PIGL: variants seen among roughly 807,000 people sequenced by gnomAD.
The protein encoded by PIGL is N-acetylglucosaminyl-phosphatidylinositol de-N-acetylase.
A neutral mutation model predicts 31.1 loss-of-function variants in PIGL; 22 were observed. That is an observed-to-expected ratio of 0.71 (90% CI 0.51 to 1.01). The LOEUF is 1.01. PIGL is among the 50% of genes least tolerant of loss of function. PIGL has a pLI of 0.00. For missense variants in PIGL, 302 were observed against 315.9 expected, an observed-to-expected ratio of 0.96 and a Z score of 0.33; for synonymous variants, 131 against 117.4, an observed-to-expected ratio of 1.12 and a Z score of -0.75.
chr17:16,312,139 G>A (rs2093054201), intron 3 of PIGL, among the ~76,000 whole-genome samples: 3 of 144,720 alleles, frequency 2.1e-5, no homozygotes, highest in Non-Finnish European at 4.5e-5. Flanking sequence ...GGGGCTGCCC[G>A]CAGCCCCCCA....
At chr17:16,318,798 G>T (rs1446525999) in intron 6 of PIGL, among the ~76,000 whole-genome samples, 2 of 151,864 alleles carry the variant, frequency 1.3e-5, no homozygotes, top group East Asian at 1.9e-4. Flanking sequence ...AGGCGTGGTG[G>T]CATGCACCTG....
intron 2 of PIGL, among the ~76,000 whole-genome samples, chr17:16,298,941 C>T (rs1414480354): frequency 6.6e-6 from 1 of 151,644 alleles, no homozygotes; most frequent in Non-Finnish European, 1.5e-5. Context: ...GCAGGAGAAC[C>T]ATTCGAACCC....
Position 16,316,698 on chromosome 17 carries a change from G to A in PIGL, c.512G>A (p.Gly171Glu), listed in dbSNP as rs1298977610. ...TCCTCCAGGGCCCTGCACTCAGAAG[G>A]GAAGTTACCTAAAGGTAAGGCTTGT... ...YAAVRALHSE[G>E]KLPKGCSVLT... Residue 171 changes from glycine (G) to glutamate (E), a missense_variant, in exon 5 of 7, where the codon GGG (glycine) becomes GAG (glutamate). Coordinates refer to ENST00000225609, the MANE Select transcript of PIGL (RefSeq NM_004278.4). 6.2e-7 allele frequency: 1 copy of A among 1,607,028 alleles called. No individual in the cohort carries two copies. Among genetic ancestry groups the A allele is most frequent in the Admixed American group, 1.7e-5 (1 of 59,912 alleles).
intron 1 of PIGL, among the ~76,000 whole-genome samples, chr17:16,227,578 C>CTTTTT (rs57452229): frequency 4.4e-3 from 456 of 103,016 alleles, no homozygotes; most frequent in Middle Eastern, 7.5e-3. Context: ...ATTTTCTTTT[C>CTTTTT]TTTTTTTTTT....
chr17:16,223,203 C>T (rs2092637084), intron 1 of PIGL, among the ~76,000 whole-genome samples: 2 of 152,246 alleles, frequency 1.3e-5, no homozygotes, highest in South Asian at 4.1e-4. Flanking sequence ...AAAATACCTA[C>T]TAATAGATGC....
At chr17:16,316,974 T>C in intron 5 of PIGL, 2 of 1,269,622 alleles carry the variant, frequency 1.6e-6, no homozygotes, top group East Asian at 3.1e-5. Flanking sequence ...ACAGGGTGGA[T>C]GTTTTACACC....
intron 3 of PIGL, among the ~76,000 whole-genome samples, chr17:16,305,875 C>T (rs375960424): frequency 6.6e-6 from 1 of 152,216 alleles, no homozygotes; most frequent in African/African-American, 2.4e-5. Context: ...CATCAAACTC[C>T]TGGGCTCAAA....
In PIGL at chr17:16,316,870, G is replaced by A. The variant is rs761171493; in HGVS notation, c.526+158G>A. 1.7e-4 allele frequency: 239 copies of A among 1,418,656 alleles called. 1 individual carries two copies. The highest frequency in any genetic ancestry group is 2.5e-4 in the Middle Eastern group (1 of 3,934). 87.9% of individuals were successfully genotyped at this position (1,418,656 alleles called of 1,614,324 possible). A position where few individuals can be genotyped will look rare whatever the true frequency, so the allele number is the denominator to read the frequency against. On this transcript the variant is annotated intron_variant, in intron 5 of 6. Transcript: ENST00000225609. Reference sequence around the variant, plus strand: ...CTTCCTGACTCACCTCAAGGTACCTGGCAGGTTGTATCTACCAGCAAGTGC... The same window carrying A: ...CTTCCTGACTCACCTCAAGGTACCTAGCAGGTTGTATCTACCAGCAAGTGC...
chr17:16,309,291 C>A (rs1397810949), intron 3 of PIGL, among the ~76,000 whole-genome samples: 2 of 152,160 alleles, frequency 1.3e-5, no homozygotes, highest in East Asian at 3.8e-4. Context: ...GAACGCTTAA[C>A]CATCTCATAG....
At chr17:16,309,888 G>A (rs186343357) in intron 3 of PIGL, among the ~76,000 whole-genome samples, 1 of 152,230 alleles carries the variant, frequency 6.6e-6, no homozygotes, top group African/African-American at 2.4e-5. Context: ...GACCAGCACA[G>A]CCAACATGGT....
At chr17:16,299,806 A>G (rs143265070) in intron 2 of PIGL, 82 bp from the exon 3 acceptor site, 162 of 945,516 alleles carry the variant, frequency 1.7e-4, no homozygotes, top group Non-Finnish European at 2.6e-4. Context: ...CTATCATAAA[A>G]CTGGGCATGC....
Position 16,326,083 on chromosome 17 carries a change from A to G in PIGL, c.*185A>G. ...CTCCAGCTTCTTCCCCTGGGAAAAAACCCAAAGAACCAAAAACAAACCACC... is the reference window on the plus strand; with the variant it reads ...CTCCAGCTTCTTCCCCTGGGAAAAAGCCCAAAGAACCAAAAACAAACCACC... On this transcript the variant is annotated 3_prime_UTR_variant, in exon 7 of 7. Coordinates refer to ENST00000225609, the MANE Select transcript of PIGL (RefSeq NM_004278.4). 1 of 569,102 alleles carries G rather than the reference A, an allele frequency of 1.8e-6. No individual in the cohort carries two copies. Among genetic ancestry groups the G allele is most frequent in the Admixed American group, 3.2e-5 (1 of 31,026 alleles). 35.3% of individuals were successfully genotyped at this position (569,102 alleles called of 1,614,324 possible).
chr17:16,222,533 A>T (rs1244343851), intron 1 of PIGL, among the ~76,000 whole-genome samples: 1 of 152,144 alleles, frequency 6.6e-6, no homozygotes, highest in Non-Finnish European at 1.5e-5. Flanking sequence ...AAGTTTAAGT[A>T]ACAACTGAAG....
intron 3 of PIGL, among the ~76,000 whole-genome samples, chr17:16,306,097 C>T (rs1480934682): frequency 1.3e-5 from 2 of 152,112 alleles, no homozygotes; most frequent in Non-Finnish European, 2.9e-5. Flanking sequence ...TACAGGCACG[C>T]GCCACCATGC....
chr17:16,245,779 C>CAT (rs764855995), intron 2 of PIGL, among the ~76,000 whole-genome samples: 2,113 of 145,882 alleles, frequency 0.014, 19 homozygotes, highest in African/African-American at 0.023. Flanking sequence ...TACACACACA[C>CAT]ATATATATAT....
At chr17:16,234,728 G>T (rs897551522) in intron 2 of PIGL, among the ~76,000 whole-genome samples, 8 of 152,202 alleles carry the variant, frequency 5.3e-5, no homozygotes, top group Non-Finnish European at 1.2e-4. Context: ...TCACACCATT[G>T]CACTTCAGCC....
At chr17:16,297,751 C>A (rs918053690) in intron 2 of PIGL, among the ~76,000 whole-genome samples, 1 of 152,220 alleles carries the variant, frequency 6.6e-6, no homozygotes, top group African/African-American at 2.4e-5. Flanking sequence ...CTGCTCACTG[C>A]AGGAGCACTA....
At chr17:16,219,298 G>T (rs1286098253) in intron 1 of PIGL, among the ~76,000 whole-genome samples, 1 of 151,802 alleles carries the variant, frequency 6.6e-6, no homozygotes, top group Non-Finnish European at 1.5e-5. Context: ...CTGAACTTTT[G>T]ATCTGCCCGC....
intron 2 of PIGL, among the ~76,000 whole-genome samples, chr17:16,256,256 A>G (rs1051300139): frequency 6.6e-6 from 1 of 152,252 alleles, no homozygotes. Context: ...CTAGAACATT[A>G]AACCACAATT....
Sources: gnomAD v4.1 joint callset for allele counts (sites outside exome capture counted in the v4.1 genomes callset) on GRCh38, gnomAD v4.1.1 for gene constraint, MANE v1.5 for transcripts, NCBI Gene and HGNC (gene_info 2026-07-23, HGNC 2026-07-21) for gene names.